The following TSHZ3 variants were observed in gnomAD, a reference collection of about 807,000 sequenced individuals.
The protein encoded by TSHZ3 is teashirt zinc finger homeobox 3.
In TSHZ3, 10 loss-of-function variants were observed where a neutral mutation model predicts 64.5. The ratio of observed to expected loss-of-function variants is 0.16; its 90% CI spans 0.10 to 0.26. The LOEUF (loss-of-function observed/expected upper bound fraction) is 0.26, where lower values mean the gene tolerates loss of function less well. Ranked by LOEUF, TSHZ3 falls within the 10% of genes least tolerant of loss-of-function variation. The pLI is 1.00. For synonymous variants in TSHZ3, 608 were observed against 593.1 expected (o/e 1.03, Z -0.36); for missense variants, 1,242 against 1,421.7 (o/e 0.87, Z 2.03).
intron 1 of TSHZ3, among the ~76,000 whole-genome samples, chr19:31,295,370 C>T (rs564743139): frequency 2.0e-5 from 3 of 152,192 alleles, no homozygotes; most frequent in Non-Finnish European, 2.9e-5. Context: ...TCCTTTGATA[C>T]GCTATTCACA....
chr19:31,333,469 C>T (rs920670327), intron 1 of TSHZ3, among the ~76,000 whole-genome samples: 3 of 152,086 alleles, frequency 2.0e-5, no homozygotes, highest in South Asian at 2.1e-4. Flanking sequence ...CCTTTTCACC[C>T]GCATATCATC....
chr19:31,324,183 A>G (rs1916866085), intron 1 of TSHZ3, among the ~76,000 whole-genome samples: 1 of 152,224 alleles, frequency 6.6e-6, no homozygotes, highest in Admixed American at 6.5e-5. Flanking sequence ...AGAGGCAACC[A>G]AGGTTGTTTT....
chr19:31,349,455 C>T (rs1344688687), upstream of TSHZ3: 5 of 383,518 alleles, frequency 1.3e-5, no homozygotes, highest in East Asian at 4.2e-5. Flanking sequence ...GCGAGGGAGG[C>T]TCGGGGAGGG....
chr19:31,267,174 G>C (rs944038990), intron 1 of TSHZ3, among the ~76,000 whole-genome samples: 2 of 152,244 alleles, frequency 1.3e-5, no homozygotes, highest in African/African-American at 4.8e-5. Flanking sequence ...TCTTGTTCTT[G>C]ATGACAACAC....
chr19:31,327,610 A>G (rs532030568), intron 1 of TSHZ3, among the ~76,000 whole-genome samples: 114 of 152,358 alleles, frequency 7.5e-4, no homozygotes, highest in Middle Eastern at 3.4e-3. Flanking sequence ...TGTACCATAC[A>G]TATACATACA....
intron 1 of TSHZ3, among the ~76,000 whole-genome samples, chr19:31,296,233 G>A (rs1250930721): frequency 6.6e-6 from 1 of 151,616 alleles, no homozygotes; most frequent in East Asian, 1.9e-4. Context: ...TGTGGGGAAT[G>A]GCATGGAGAG....
chr19:31,208,171 G>A (rs149306867), intron 4 of TSHZ3, among the ~76,000 whole-genome samples: 1 of 152,306 alleles, frequency 6.6e-6, no homozygotes, highest in African/African-American at 2.4e-5. Context: ...ATAGATGCTA[G>A]TTAACGTGAG....
chr19:31,264,147 G>A (rs1017890048), intron 1 of TSHZ3, among the ~76,000 whole-genome samples: 8 of 152,140 alleles, frequency 5.3e-5, no homozygotes, highest in South Asian at 2.1e-4. Context: ...TCATCTTCCC[G>A]GTCTGCATCT....
At chr19:31,177,437 C>A (rs543977401) in intron 5 of TSHZ3, among the ~76,000 whole-genome samples, 4 of 152,328 alleles carry the variant, frequency 2.6e-5, no homozygotes, top group Middle Eastern at 3.4e-3. Context: ...TTCCCAGCCT[C>A]GGGGCTGCTG....
chr19:31,274,633 G>A (rs950330098), downstream of TSHZ3, among the ~76,000 whole-genome samples: 6 of 151,954 alleles, frequency 3.9e-5, no homozygotes, highest in East Asian at 1.9e-4. Flanking sequence ...AGGTGTGACC[G>A]GAAGCTCTGA....
chr19:31,322,833 T>C (rs192594793), intron 1 of TSHZ3, among the ~76,000 whole-genome samples: 52 of 152,340 alleles, frequency 3.4e-4, no homozygotes, highest in Non-Finnish European at 7.1e-4. Context: ...AATGACTGAA[T>C]AAATGAAACT....
intron 1 of TSHZ3, among the ~76,000 whole-genome samples, chr19:31,340,721 G>T (rs1032502970): frequency 6.6e-6 from 1 of 152,178 alleles, no homozygotes; most frequent in South Asian, 2.1e-4. Flanking sequence ...GGAGGACTGG[G>T]GGCTGCAGGT....
At position 31,269,826 on chromosome 19, in the gene TSHZ3, T is replaced by G. The variant is rs1976109274; in HGVS notation, n.64-26951A>C. 2.0e-5 allele frequency among the ~76,000 whole-genome samples: 3 copies of G among 152,370 alleles called. 1 individual carries two copies. In the South Asian group the frequency reaches 6.2e-4, roughly 32 times the overall value. On this transcript the variant is annotated intron_variant and non_coding_transcript_variant, in intron 1 of 6. Coordinates refer to the TSHZ3 transcript ENST00000651361. The stretch of plus-strand genomic sequence containing the variant: ...AAGAAAGCAGGATGGCCTCCCCCGC[T>G]GATGCCTGGGGCTTCAAAGGCCAGG...
In TSHZ3 at chr19:31,279,433, G is replaced by C. The variant is rs765403965; in HGVS notation, c.360C>G (p.Ala120=). The C allele has an allele frequency of 1.9e-6, 3 of 1,614,200 alleles. No homozygotes were observed. In the South Asian group the frequency reaches 3.3e-5, roughly 18 times the overall value. ...TVSDSLEQMK[A]VYNNFLSNSY... The stretch of plus-strand genomic sequence containing the variant: ...AGTTGGAGAGGAAGTTGTTGTACAC[G>C]GCCTTCATCTGCTCCAGGCTATCCG... Residue 120 remains alanine (A), a synonymous_variant, in exon 2 of 2, where the codon GCC becomes GCG. Coordinates refer to ENST00000240587, the MANE Select transcript of TSHZ3 (RefSeq NM_020856.4). This position sits in a 1 kb window ranked among gnomAD's most constrained non-coding sequence, Gnocchi z 6.4.
chr19:31,191,790 C>A (rs1214089849), intron 5 of TSHZ3, among the ~76,000 whole-genome samples: 1 of 152,092 alleles, frequency 6.6e-6, no homozygotes, highest in Non-Finnish European at 1.5e-5. Context: ...GCCCAGGAAT[C>A]TGAGGCTACT....
chr19:31,214,764 C>T (rs1238031936), intron 4 of TSHZ3, among the ~76,000 whole-genome samples: 3 of 151,820 alleles, frequency 2.0e-5, no homozygotes, highest in Admixed American at 6.6e-5. Flanking sequence ...AAAAATTAGC[C>T]GGGCGTGGTG....
chr19:31,177,047 G>C (rs1974619747), intron 5 of TSHZ3, among the ~76,000 whole-genome samples: 1 of 152,152 alleles, frequency 6.6e-6, no homozygotes. Context: ...TGTGCATATG[G>C]GGCAATGATA....
intron 5 of TSHZ3, among the ~76,000 whole-genome samples, chr19:31,161,800 T>C (rs1400794190): frequency 1.3e-5 from 2 of 152,244 alleles, no homozygotes; most frequent in East Asian, 3.8e-4. Context: ...TTTTTGGCTC[T>C]GCAGGCCACA....
In TSHZ3 at chr19:31,339,619, T is replaced by C. The variant is rs75472966; in HGVS notation, c.40+9561A>G. Among the ~76,000 whole-genome samples, 1,473 of 152,262 alleles carry C rather than the reference T, an allele frequency of 9.7e-3. 72 individuals are homozygous for C. Among genetic ancestry groups the C allele is most frequent in the Admixed American group, 0.069 (1,052 of 15,298 alleles). On this transcript the variant is annotated intron_variant, in intron 1 of 1. Coordinates refer to ENST00000240587, the MANE Select transcript of TSHZ3 (RefSeq NM_020856.4). ...GAGGGAAGGGTGGGTCAGTGATGTATGACTCTGCTGAAAAGGAAATCGACT... is the reference window on the plus strand; with the variant it reads ...GAGGGAAGGGTGGGTCAGTGATGTACGACTCTGCTGAAAAGGAAATCGACT...
Sources: allele counts gnomAD v4.1 joint callset (sites outside exome capture counted in the v4.1 genomes callset), GRCh38; gene constraint gnomAD v4.1.1; non-coding constraint Gnocchi (gnomAD v3.1); transcripts MANE v1.5; gene names NCBI Gene and HGNC (gene_info 2026-07-23, HGNC 2026-07-21).